Variants in PLCG2 observed in about 807,000 individuals in gnomAD.
PLCG2 encodes 1-phosphatidylinositol 4,5-bisphosphate phosphodiesterase gamma-2.
In PLCG2, 69 loss-of-function variants were observed where a neutral mutation model predicts 175.6. The observed-to-expected ratio is 0.39, with a 90% confidence interval of 0.32 to 0.48. The LOEUF (loss-of-function observed/expected upper bound fraction) is 0.48. Ranked by LOEUF, PLCG2 falls within the 20% of genes least tolerant of loss-of-function variation. The probability of loss-of-function intolerance (pLI) is 0.91; values close to 1 mark genes in which losing one functional copy is unlikely to be tolerated. For missense variants in PLCG2, 1,798 were observed against 1,650.9 expected, an observed-to-expected ratio of 1.09 and a Z score of -1.54; for synonymous variants, 827 against 624.0, an observed-to-expected ratio of 1.33 and a Z score of -4.85.
intron 19 of PLCG2, 84 bp downstream of exon 19, chr16:81,912,800 G>C (rs1186228099): frequency 2.3e-5 from 33 of 1,443,238 alleles, no homozygotes; most frequent in Non-Finnish European, 3.0e-5. Context: ...ACTTCAGGTG[G>C]AGGCTCACCT....
chr16:81,813,556 A>G (rs1904411028), intron 2 of PLCG2, among the ~76,000 whole-genome samples: 1 of 152,220 alleles, frequency 6.6e-6, no homozygotes, highest in South Asian at 2.1e-4. Flanking sequence ...TATCAGCTGA[A>G]GGAGATTTTT....
chr16:81,773,903 C>A (rs1910336345), intron 2 of PLCG2, among the ~76,000 whole-genome samples: 2 of 152,134 alleles, frequency 1.3e-5, no homozygotes, highest in Non-Finnish European at 2.9e-5. Context: ...ACACTCTGTG[C>A]CCATCATGCA....
rs1006728932 is a variant in PLCG2, at chr16:81,958,403, C to G, written c.*405C>G. The stretch of plus-strand genomic sequence containing the variant: ...GTAACTGATGTCCATGGAGGATGAG[C>G]TGGAAATGTAAGAAACTATTCATGA... On this transcript the variant is annotated 3_prime_UTR_variant, in exon 33 of 33. Coordinates refer to ENST00000564138, the MANE Select transcript of PLCG2 (RefSeq NM_002661.5). 2 of 249,688 alleles carry G rather than the reference C, an allele frequency of 8.0e-6. No homozygotes were observed. The highest frequency in any genetic ancestry group is 1.6e-5 in the Non-Finnish European group (2 of 128,870). The allele number at this position is 249,688 out of a possible 1,614,324, so 15.5% of individuals were successfully genotyped here.
chr16:81,864,449 A>G (rs985798073), intron 5 of PLCG2, among the ~76,000 whole-genome samples: 9 of 152,196 alleles, frequency 5.9e-5, no homozygotes, highest in Non-Finnish European at 8.8e-5. Context: ...AGATGTCTCC[A>G]TCATTGTTGA....
At chr16:81,924,218 G>T (rs7197171) in intron 22 of PLCG2, among the ~76,000 whole-genome samples, 1 of 152,272 alleles carries the variant, frequency 6.6e-6, no homozygotes, top group Non-Finnish European at 1.5e-5. Flanking sequence ...GGTTTCTGGG[G>T]AAGTGGTTTT....
intron 2 of PLCG2, among the ~76,000 whole-genome samples, chr16:81,824,410 A>G (rs889156518): frequency 1.3e-5 from 2 of 152,214 alleles, no homozygotes; most frequent in Non-Finnish European, 2.9e-5. Flanking sequence ...CTGGGATTAC[A>G]AGCGTGAGCC....
At chr16:81,763,107 ATACT>A (rs1910074756) in intron 2 of PLCG2, among the ~76,000 whole-genome samples, 2 of 152,210 alleles carry the variant, frequency 1.3e-5, no homozygotes, top group African/African-American at 2.4e-5. Context: ...AAAGATAAAA[ATACT>A]TGCTTGCTCA....
At chr16:81,783,757 T>G (rs965025261) in intron 1 of PLCG2, among the ~76,000 whole-genome samples, 10 of 152,222 alleles carry the variant, frequency 6.6e-5, no homozygotes, top group African/African-American at 1.9e-4. Context: ...GTTCATCCCT[T>G]TGTCCTGGCT....
intron 30 of PLCG2, among the ~76,000 whole-genome samples, chr16:81,942,349 C>G (rs1253300614): frequency 6.6e-6 from 1 of 152,204 alleles, no homozygotes; most frequent in Non-Finnish European, 1.5e-5. Flanking sequence ...GTCAAAACCT[C>G]AAGGGAGATT....
chr16:81,915,171 A>T (rs1377544060), intron 19 of PLCG2, among the ~76,000 whole-genome samples: 2 of 152,138 alleles, frequency 1.3e-5, no homozygotes, highest in Non-Finnish European at 2.9e-5. Flanking sequence ...AGGGTGGTGG[A>T]GGGTGAGTAG....
chr16:81,889,385 T>C, intron 10 of PLCG2, 112 bp downstream of exon 10: 3 of 650,512 alleles, frequency 4.6e-6, no homozygotes, highest in Non-Finnish European at 8.4e-6. Context: ...TGTATGATGT[T>C]GCCTCGACTG....
chr16:81,885,287 G>T (rs1597107175), intron 9 of PLCG2, among the ~76,000 whole-genome samples: 1 of 152,078 alleles, frequency 6.6e-6, no homozygotes, highest in African/African-American at 2.4e-5. Flanking sequence ...GCCTCCCAAA[G>T]TGCTGGGATT....
intron 2 of PLCG2, among the ~76,000 whole-genome samples, chr16:81,843,618 C>CCAAA (rs1905951848): frequency 6.6e-6 from 1 of 152,080 alleles, no homozygotes; most frequent in African/African-American, 2.4e-5. Context: ...TTTGATGAAC[C>CCAAA]CATTGCTAAG....
chr16:81,789,524 A>G (rs1911131607), intron 2 of PLCG2, among the ~76,000 whole-genome samples: 2 of 152,166 alleles, frequency 1.3e-5, no homozygotes, highest in South Asian at 4.1e-4. Flanking sequence ...CCTGGCCTCA[A>G]GTGATCCTCC....
chr16:81,829,963 C>A (rs1424117190), intron 2 of PLCG2, among the ~76,000 whole-genome samples: 1 of 151,944 alleles, frequency 6.6e-6, no homozygotes, highest in East Asian at 1.9e-4. Flanking sequence ...GTGCCAGGCA[C>A]TTTCCTGCTG....
intron 1 of PLCG2, among the ~76,000 whole-genome samples, chr16:81,747,514 G>A (rs934498119): frequency 1.3e-5 from 2 of 152,110 alleles, no homozygotes; most frequent in Non-Finnish European, 2.9e-5. Context: ...CAGCCTGGGC[G>A]ACAGAGGAAG....
At chr16:81,794,784 T>G (rs1911392773) in intron 2 of PLCG2, among the ~76,000 whole-genome samples, 1 of 152,252 alleles carries the variant, frequency 6.6e-6, no homozygotes, top group South Asian at 2.1e-4. Flanking sequence ...AAAGGCAAGA[T>G]GGCATTGTAG....
intron 2 of PLCG2, among the ~76,000 whole-genome samples, chr16:81,766,001 C>A (rs189395973): frequency 1.2e-4 from 18 of 152,296 alleles, no homozygotes; most frequent in Non-Finnish European, 4.4e-5. Flanking sequence ...TGTTTGCTTG[C>A]TTGGGTATTT....
chr16:81,784,221 C>T (rs1288545619), intron 1 of PLCG2, among the ~76,000 whole-genome samples: 1 of 152,170 alleles, frequency 6.6e-6, no homozygotes, highest in Non-Finnish European at 1.5e-5. Flanking sequence ...GGGCCCCTCC[C>T]CATTCCCCTC....
Sources: gnomAD v4.1 joint callset for allele counts (sites outside exome capture counted in the v4.1 genomes callset) on GRCh38, gnomAD v4.1.1 for gene constraint, MANE v1.5 for transcripts, NCBI Gene and HGNC (gene_info 2026-07-23, HGNC 2026-07-21) for gene names.